Variants in KCND3 observed in about 807,000 individuals in gnomAD.
KCND3 encodes the protein A-type voltage-gated potassium channel KCND3.
In KCND3, 9 loss-of-function variants were observed where a neutral mutation model predicts 51.1. The ratio of observed to expected loss-of-function variants is 0.18; its 90% confidence interval spans 0.11 to 0.31. KCND3 has a LOEUF of 0.31. Among genes scored for constraint, KCND3 ranks in the 10% least tolerant of loss-of-function variants. The pLI is 1.00. For synonymous variants in KCND3, 349 were observed against 368.0 expected (o/e 0.95, Z 0.59); for missense variants, 526 against 903.8 (o/e 0.58, Z 5.36).
At chr1:111,894,984 A>G (rs555340023) in intron 2 of KCND3, among the ~76,000 whole-genome samples, 1 of 149,860 alleles carries the variant, frequency 6.7e-6, no homozygotes, top group African/African-American at 2.5e-5. Context: ...GAAAAGAGGG[A>G]AGGGAGAGGA....
chr1:111,797,262 C>T (rs1011502699), intron 2 of KCND3, among the ~76,000 whole-genome samples: 2 of 152,128 alleles, frequency 1.3e-5, no homozygotes, highest in Non-Finnish European at 2.9e-5. Flanking sequence ...AGCATGTCAG[C>T]GGAAAGGGGT....
intron 2 of KCND3, among the ~76,000 whole-genome samples, chr1:111,816,471 T>C (rs1242073693): frequency 6.6e-6 from 1 of 152,230 alleles, no homozygotes; most frequent in Non-Finnish European, 1.5e-5. Context: ...ACCTGGTTCT[T>C]TCCTAGTGAC....
rs751088206 is a variant in KCND3, at chr1:111,961,251, G to A, written c.1106+20370C>T. Among the ~76,000 whole-genome samples the A allele has an allele frequency of 3.3e-5, 5 of 152,238 alleles. 1 individual carries two copies. The highest frequency in any genetic ancestry group is 4.1e-4 in the South Asian group (2 of 4,836). On this transcript the variant is annotated intron_variant, in intron 2 of 7. Transcript: ENST00000302127. ...TCAGAAAGCAAATATAGGCGCCAGC[G>A]AGGCCATTGTGCTCTGAGCAGCTCT...
intron 2 of KCND3, among the ~76,000 whole-genome samples, chr1:111,868,957 A>G (rs768855550): frequency 3.9e-5 from 6 of 152,088 alleles, no homozygotes; most frequent in Non-Finnish European, 8.8e-5. Flanking sequence ...TGCCTAGGCT[A>G]ACGTAACTGG....
intron 2 of KCND3, chr1:111,909,993 C>T (rs1670853249): frequency 6.6e-6 from 1 of 152,242 alleles, no homozygotes; most frequent in Non-Finnish European, 1.5e-5. Context: ...TATCTCCCTA[C>T]CTTAGGTTTC....
intron 2 of KCND3, among the ~76,000 whole-genome samples, chr1:111,884,872 G>C (rs1273352911): frequency 6.6e-6 from 1 of 152,050 alleles, no homozygotes; most frequent in Non-Finnish European, 1.5e-5. Flanking sequence ...TGGCACTATT[G>C]ACATTGGGCC....
chr1:111,979,448 T>C (rs1674820036), intron 2 of KCND3, among the ~76,000 whole-genome samples: 1 of 152,242 alleles, frequency 6.6e-6, no homozygotes, highest in African/African-American at 2.4e-5. Context: ...ATAGTACTCA[T>C]TGGGCTGATG....
intron 2 of KCND3, among the ~76,000 whole-genome samples, chr1:111,967,160 C>CAA (rs573768056): frequency 7.4e-6 from 1 of 134,796 alleles, no homozygotes. Context: ...AAAACAAAAA[C>CAA]AAAAAAAAAA....
chr1:111,889,118 C>T (rs1162945433), intron 2 of KCND3, among the ~76,000 whole-genome samples: 3 of 152,190 alleles, frequency 2.0e-5, no homozygotes, highest in Non-Finnish European at 2.9e-5. Flanking sequence ...GGCTGCAGGG[C>T]TGGGGTTCAC....
At chr1:111,802,904 TTGAC>T (rs59167878) in intron 2 of KCND3, among the ~76,000 whole-genome samples, 9,315 of 152,200 alleles carry the variant, frequency 0.061, 897 homozygotes, top group African/African-American at 0.21. Flanking sequence ...CTCAGTAAAT[TTGAC>T]TGAGCATCAA....
intron 2 of KCND3, among the ~76,000 whole-genome samples, chr1:111,924,619 T>C (rs543966914): frequency 6.6e-6 from 1 of 152,290 alleles, no homozygotes; most frequent in South Asian, 2.1e-4. Context: ...ACCAGGACTT[T>C]GTCAGCCTGA....
At chr1:111,933,288 A>G (rs1180994711) in intron 2 of KCND3, among the ~76,000 whole-genome samples, 6 of 152,152 alleles carry the variant, frequency 3.9e-5, no homozygotes, top group African/African-American at 1.2e-4. Context: ...GTATTTCTTC[A>G]TGGCAGCCTG....
intron 2 of KCND3, among the ~76,000 whole-genome samples, chr1:111,857,290 G>C (rs1234187621): frequency 6.6e-6 from 1 of 152,152 alleles, no homozygotes; most frequent in Non-Finnish European, 1.5e-5. Flanking sequence ...CCTGGGCGTG[G>C]GGTCACAGCG....
chr1:111,932,218 C>T (rs896807494), intron 2 of KCND3, among the ~76,000 whole-genome samples: 4 of 152,162 alleles, frequency 2.6e-5, no homozygotes, highest in Non-Finnish European at 5.9e-5. Context: ...ACCTTAATAC[C>T]ACCTGCTGCC....
At chr1:111,824,594 G>T (rs1014199910) in intron 2 of KCND3, among the ~76,000 whole-genome samples, 2 of 152,042 alleles carry the variant, frequency 1.3e-5, no homozygotes, top group Non-Finnish European at 2.9e-5. Flanking sequence ...ACTGTTTTTT[G>T]GATAAACATA....
At chr1:111,868,620 A>C (rs1668691763) in intron 2 of KCND3, among the ~76,000 whole-genome samples, 1 of 152,204 alleles carries the variant, frequency 6.6e-6, no homozygotes, top group African/African-American at 2.4e-5. Flanking sequence ...TTAAGCATTT[A>C]CTATATGCCA....
intron 2 of KCND3, among the ~76,000 whole-genome samples, chr1:111,787,981 T>C (rs890881411): frequency 6.6e-6 from 1 of 152,230 alleles, no homozygotes. Flanking sequence ...AGGAGGACCA[T>C]GAGCTCTGAA....
chr1:111,846,455 A>C (rs555137119), intron 2 of KCND3, among the ~76,000 whole-genome samples: 69 of 133,284 alleles, frequency 5.2e-4, no homozygotes, highest in African/African-American at 1.5e-3. Flanking sequence ...GCTGCTGCTG[A>C]TAAAAGAATG....
At chr1:111,786,867 G>C in intron 3 of KCND3, 77 bp downstream of exon 3, 1 of 1,553,688 alleles carries the variant, frequency 6.4e-7, no homozygotes, top group Non-Finnish European at 8.9e-7. Flanking sequence ...CCTGTGAGGA[G>C]CTCTAGTCCT....
Sources: gnomAD v4.1 joint callset for allele counts (sites outside exome capture counted in the v4.1 genomes callset) on GRCh38, gnomAD v4.1.1 for gene constraint, MANE v1.5 for transcripts, NCBI Gene and HGNC (gene_info 2026-07-23, HGNC 2026-07-21) for gene names.